The following CTNNA3 variants were observed in gnomAD, a reference collection of about 807,000 sequenced individuals.
CTNNA3 encodes the protein catenin alpha-3.
A neutral mutation model predicts 95.7 loss-of-function variants in CTNNA3; 76 were observed. The ratio of observed to expected loss-of-function variants is 0.79; its 90% CI spans 0.66 to 0.96. The LOEUF (loss-of-function observed/expected upper bound fraction) is 0.96. Among genes scored for constraint, CTNNA3 ranks in the 40% least tolerant of loss-of-function variants. The pLI is 0.00. For synonymous variants in CTNNA3, 431 were observed against 374.4 expected (o/e 1.15, Z -1.74); for missense variants, 1,191 against 1,089.8 (o/e 1.09, Z -1.31).
At chr10:67,357,801 T>C (rs535737859) in intron 5 of CTNNA3, among the ~76,000 whole-genome samples, 4 of 152,002 alleles carry the variant, frequency 2.6e-5, no homozygotes, top group East Asian at 3.9e-4. Context: ...CCACCATACA[T>C]TAAATGAGAA....
intron 16 of CTNNA3, among the ~76,000 whole-genome samples, chr10:65,979,292 T>C (rs528725459): frequency 9.2e-5 from 14 of 152,286 alleles, no homozygotes; most frequent in African/African-American, 2.9e-4. Context: ...CTTTAGTAGA[T>C]GTAAAGTTAT....
intron 7 of CTNNA3, among the ~76,000 whole-genome samples, chr10:66,916,026 G>A (rs1417000472): frequency 3.3e-5 from 5 of 152,114 alleles, no homozygotes; most frequent in African/African-American, 1.2e-4. Flanking sequence ...TGGGATTACA[G>A]GTTTGAACTA....
chr10:65,926,532 A>C (rs2077171374), intron 17 of CTNNA3, among the ~76,000 whole-genome samples: 1 of 148,920 alleles, frequency 6.7e-6, no homozygotes, highest in South Asian at 2.1e-4. Flanking sequence ...GCTGGAGTGC[A>C]ATGGTTCAAT....
intron 7 of CTNNA3, among the ~76,000 whole-genome samples, chr10:67,058,229 C>A (rs1439931126): frequency 1.3e-5 from 2 of 152,180 alleles, no homozygotes; most frequent in African/African-American, 4.8e-5. Flanking sequence ...CACTACACTG[C>A]AACAACTTAC....
chr10:66,946,926 C>A (rs1471184903), intron 7 of CTNNA3, among the ~76,000 whole-genome samples: 2 of 152,170 alleles, frequency 1.3e-5, no homozygotes, highest in East Asian at 3.9e-4. Flanking sequence ...CTTTTCTTGG[C>A]GCTGGTAAAT....
chr10:67,623,920 G>A (rs539240228), intron 2 of CTNNA3, among the ~76,000 whole-genome samples: 5 of 152,214 alleles, frequency 3.3e-5, no homozygotes, highest in Admixed American at 6.5e-5. Context: ...AGGTTCAAGC[G>A]ATTCTCCTAC....
intron 12 of CTNNA3, among the ~76,000 whole-genome samples, chr10:66,333,170 A>C (rs553769113): frequency 1.3e-5 from 2 of 151,980 alleles, no homozygotes; most frequent in Non-Finnish European, 2.9e-5. Flanking sequence ...GATCTTTTAA[A>C]AAAAACCAGC....
intron 11 of CTNNA3, among the ~76,000 whole-genome samples, chr10:66,382,029 T>C (rs1025388738): frequency 3.3e-5 from 5 of 152,102 alleles, no homozygotes; most frequent in Non-Finnish European, 7.4e-5. Context: ...AGAAGATGGA[T>C]GATTTCTGCA....
At chr10:66,941,164 C>G (rs1398530686) in intron 7 of CTNNA3, among the ~76,000 whole-genome samples, 1 of 152,136 alleles carries the variant, frequency 6.6e-6, no homozygotes, top group Admixed American at 6.6e-5. Flanking sequence ...TCAGCTGAGT[C>G]GGTTAATTAA....
At chr10:66,044,422 A>ATT (rs71035108) in intron 15 of CTNNA3, among the ~76,000 whole-genome samples, 9 of 147,304 alleles carry the variant, frequency 6.1e-5, no homozygotes, top group Admixed American at 3.4e-4. Context: ...GTTTATCTTG[A>ATT]TTTTTTTTTT....
chr10:66,608,559 A>G (rs1300698545), intron 10 of CTNNA3, among the ~76,000 whole-genome samples: 5 of 152,162 alleles, frequency 3.3e-5, no homozygotes, highest in Non-Finnish European at 7.4e-5. Context: ...CTACAGCACT[A>G]CAGTAAAAAA....
chr10:67,378,201 C>T (rs74144404), intron 5 of CTNNA3, among the ~76,000 whole-genome samples: 11,108 of 152,060 alleles, frequency 0.073, 980 homozygotes, highest in East Asian at 0.24. Flanking sequence ...CAAACTGGGA[C>T]ACTTAATATA....
At chr10:65,995,686 G>A (rs1178202776) in intron 15 of CTNNA3, among the ~76,000 whole-genome samples, 3 of 152,206 alleles carry the variant, frequency 2.0e-5, no homozygotes, top group Non-Finnish European at 4.4e-5. Flanking sequence ...TAAGTTCCTG[G>A]GTAGCATGCA....
chr10:65,979,948 G>A (rs566170882), intron 16 of CTNNA3, among the ~76,000 whole-genome samples: 2 of 151,910 alleles, frequency 1.3e-5, no homozygotes, highest in African/African-American at 2.4e-5. Context: ...TTCTGCCAGA[G>A]AAGAAAATAA....
intron 7 of CTNNA3, among the ~76,000 whole-genome samples, chr10:67,166,004 T>C (rs559775889): frequency 5.9e-5 from 9 of 152,228 alleles, no homozygotes; most frequent in African/African-American, 1.9e-4. Flanking sequence ...CTAACCGTCT[T>C]GCCAACTTTG....
At chr10:66,081,195 G>T (rs753456833) in intron 14 of CTNNA3, among the ~76,000 whole-genome samples, 23 of 152,246 alleles carry the variant, frequency 1.5e-4, no homozygotes, top group Middle Eastern at 3.4e-3. Flanking sequence ...GCTTGCCTTG[G>T]GTAGATGCCA....
chr10:66,938,537 C>T (rs920384978), intron 7 of CTNNA3, among the ~76,000 whole-genome samples: 2 of 152,076 alleles, frequency 1.3e-5, no homozygotes, highest in Non-Finnish European at 2.9e-5. Flanking sequence ...TTCTTGGCAT[C>T]TTCATGTTGA....
At chr10:67,090,206 C>T (rs148740641) in intron 7 of CTNNA3, among the ~76,000 whole-genome samples, 2,585 of 152,168 alleles carry the variant, frequency 0.017, 30 homozygotes, top group Middle Eastern at 0.031. Flanking sequence ...CGAGATTGGA[C>T]TCTTCTTTCT....
At chr10:66,681,848 T>G (rs932589734) in intron 9 of CTNNA3, among the ~76,000 whole-genome samples, 4 of 152,204 alleles carry the variant, frequency 2.6e-5, no homozygotes, top group African/African-American at 9.6e-5. Context: ...GGGTTTGTGT[T>G]TATTTCCCCT....
Sources: gnomAD v4.1 joint callset for allele counts (sites outside exome capture counted in the v4.1 genomes callset) on GRCh38, gnomAD v4.1.1 for gene constraint, MANE v1.5 for transcripts, NCBI Gene and HGNC (gene_info 2026-07-23, HGNC 2026-07-21) for gene names.